Variants in ARHGAP15 observed in about 807,000 individuals in gnomAD.
ARHGAP15 encodes the protein Rho GTPase activating protein 15.
Under a neutral mutation model 63.7 loss-of-function variants are expected in ARHGAP15, and 51 were observed. The ratio of observed to expected loss-of-function variants is 0.80; its 90% CI spans 0.64 to 1.01. The LOEUF is 1.01. ARHGAP15 is among the 50% of genes least tolerant of loss of function. The pLI is 0.00. For synonymous variants in ARHGAP15, 191 were observed against 193.8 expected, an observed-to-expected ratio of 0.99 and a Z score of 0.12; for missense variants, 560 against 564.6, an observed-to-expected ratio of 0.99 and a Z score of 0.08.
chr2:143,458,984 T>G (rs554015309), intron 8 of ARHGAP15, among the ~76,000 whole-genome samples: 2 of 152,298 alleles, frequency 1.3e-5, no homozygotes, highest in African/African-American at 2.4e-5. Context: ...AGAACTTCTT[T>G]AGTCTCAGTG....
intron 10 of ARHGAP15, among the ~76,000 whole-genome samples, chr2:143,545,281 C>T (rs778110443): frequency 6.6e-6 from 1 of 152,098 alleles, no homozygotes; most frequent in Non-Finnish European, 1.5e-5. Context: ...TTGGAGGCAC[C>T]TCCCCAAAGA....
chr2:143,460,373 T>C (rs1690876888), intron 8 of ARHGAP15, among the ~76,000 whole-genome samples: 1 of 152,206 alleles, frequency 6.6e-6, no homozygotes, highest in Non-Finnish European at 1.5e-5. Flanking sequence ...TATGTATTTT[T>C]TGCTACTAGT....
chr2:143,612,990 A>G (rs1698315683), intron 11 of ARHGAP15, among the ~76,000 whole-genome samples: 1 of 152,228 alleles, frequency 6.6e-6, no homozygotes, highest in Non-Finnish European at 1.5e-5. Context: ...AATGACGCTT[A>G]AAGTTTGTAG....
At chr2:143,247,940 G>T (rs6708433) in intron 5 of ARHGAP15, among the ~76,000 whole-genome samples, 25,642 of 152,030 alleles carry the variant, frequency 0.17, 2,337 homozygotes, top group Middle Eastern at 0.24. Context: ...GTTGCATTTT[G>T]GTATTTTTCC....
At chr2:143,702,528 A>T (rs1684136855) in intron 12 of ARHGAP15, among the ~76,000 whole-genome samples, 1 of 152,226 alleles carries the variant, frequency 6.6e-6, no homozygotes, top group African/African-American at 2.4e-5. Flanking sequence ...AAGCAACAAT[A>T]GAATATTTGT....
At position 143,467,907 on chromosome 2, in the gene ARHGAP15, A is replaced by G. The variant is rs1317573179; in HGVS notation, c.704-19466A>G. On this transcript the variant is annotated intron_variant, in intron 8 of 13. Transcript: ENST00000295095. ...TTGTTTCCTTTTTTATATTGCACAG[A>G]TCTAAGCTTAGTTCATCTATCTTTG... 2.0e-5 allele frequency among the ~76,000 whole-genome samples: 3 copies of G among 152,120 alleles called. No homozygotes were observed. In the East Asian group the frequency reaches 5.8e-4, roughly 29 times the overall value.
chr2:143,638,246 C>T (rs947635437), intron 12 of ARHGAP15, among the ~76,000 whole-genome samples: 2 of 142,950 alleles, frequency 1.4e-5, no homozygotes, highest in African/African-American at 5.0e-5. Context: ...GACTTGGAAC[C>T]AACCCAAATG....
At chr2:143,691,208 A>C (rs553623639) in intron 12 of ARHGAP15, among the ~76,000 whole-genome samples, 20 of 152,300 alleles carry the variant, frequency 1.3e-4, no homozygotes, top group African/African-American at 4.6e-4. Flanking sequence ...ATTGGAGTCA[A>C]AGTGGCTGGA....
chr2:143,219,787 T>C (rs1011866951), intron 4 of ARHGAP15, among the ~76,000 whole-genome samples: 3 of 152,262 alleles, frequency 2.0e-5, no homozygotes, highest in Non-Finnish European at 4.4e-5. Context: ...TTTATTTGTG[T>C]TTCACTGATA....
chr2:143,229,017 G>T (rs1464512014), intron 5 of ARHGAP15, among the ~76,000 whole-genome samples: 1 of 152,138 alleles, frequency 6.6e-6, no homozygotes, highest in African/African-American at 2.4e-5. Flanking sequence ...GTATTATAAA[G>T]TATGTTATAA....
chr2:143,296,086 A>G (rs1331521450), intron 6 of ARHGAP15, among the ~76,000 whole-genome samples: 1 of 151,928 alleles, frequency 6.6e-6, no homozygotes, highest in African/African-American at 2.4e-5. Flanking sequence ...ACATACCTAT[A>G]TCACTTCCCA....
intron 11 of ARHGAP15, among the ~76,000 whole-genome samples, chr2:143,613,476 T>C (rs567885722): frequency 7.6e-4 from 116 of 152,322 alleles, no homozygotes; most frequent in African/African-American, 2.7e-3. Flanking sequence ...TGTAATTCCC[T>C]TTTGTAGCAT....
At chr2:143,602,652 A>AGAAG (rs371369440) in intron 11 of ARHGAP15, among the ~76,000 whole-genome samples, 1,633 of 152,244 alleles carry the variant, frequency 0.011, 28 homozygotes, top group African/African-American at 0.037. Context: ...AAAGAAGGAA[A>AGAAG]GAAGGAAGGG....
In ARHGAP15 at chr2:143,187,148, A is replaced by AT. The variant is rs1049723199; in HGVS notation, c.166-14977dup. On this transcript the variant is annotated intron_variant, in intron 2 of 13. Transcript: ENST00000295095. ...AACATAGAGTTAGATAATAGCATGAATTTTTTTTTCTGATATGGTGCGAAA... is the reference window on the plus strand; with the variant it reads ...AACATAGAGTTAGATAATAGCATGAATTTTTTTTTTCTGATATGGTGCGAAA... Among the ~76,000 whole-genome samples the AT allele has an allele frequency of 9.9e-5, 15 of 151,770 alleles. No individual in the cohort carries two copies. The East Asian group carries it at 1.7e-3, about 18-fold the overall frequency.
At chr2:143,729,312 A>C (rs535646044) in intron 13 of ARHGAP15, among the ~76,000 whole-genome samples, 39 of 152,306 alleles carry the variant, frequency 2.6e-4, no homozygotes, top group South Asian at 2.5e-3. Context: ...AGGAAGTAGA[A>C]ATCAATCAGG....
chr2:143,256,418 T>C (rs1441456750), intron 6 of ARHGAP15, among the ~76,000 whole-genome samples: 2 of 152,120 alleles, frequency 1.3e-5, no homozygotes, highest in Non-Finnish European at 2.9e-5. Context: ...ACTAAGAATA[T>C]AGATCCTTAA....
chr2:143,268,110 GA>G (rs1337798955), intron 6 of ARHGAP15, among the ~76,000 whole-genome samples: 2 of 150,536 alleles, frequency 1.3e-5, no homozygotes. Flanking sequence ...TAGAGTCAGT[GA>G]AAAATGATTG....
At chr2:143,758,280 G>A (rs1482034844) in intron 13 of ARHGAP15, among the ~76,000 whole-genome samples, 1 of 150,790 alleles carries the variant, frequency 6.6e-6, no homozygotes, top group African/African-American at 2.4e-5. Flanking sequence ...AAGTGTGTGT[G>A]TATATATATA....
Position 143,270,318 on chromosome 2 carries a change from C to T in ARHGAP15, c.474+19718C>T, listed in dbSNP as rs561938359. Among the ~76,000 whole-genome samples, 4 of 152,288 alleles carry T rather than the reference C, an allele frequency of 2.6e-5. No homozygotes were observed. The East Asian group carries it at 7.7e-4, about 29-fold the overall frequency. The stretch of plus-strand genomic sequence containing the variant: ...ATGTTACCACACAGTAGTCTTCAAC[C>T]TTGTAGACATTTCTGTTTTGCTTTG... On this transcript the variant is annotated intron_variant, in intron 6 of 13. Coordinates refer to ENST00000295095, the MANE Select transcript of ARHGAP15 (RefSeq NM_018460.4).
Sources: gnomAD v4.1 joint callset for allele counts (sites outside exome capture counted in the v4.1 genomes callset) on GRCh38, gnomAD v4.1.1 for gene constraint, MANE v1.5 for transcripts, NCBI Gene and HGNC (gene_info 2026-07-23, HGNC 2026-07-21) for gene names.